GLIS1: variants seen among roughly 807,000 people sequenced by gnomAD.
GLIS1 encodes GLIS family zinc finger 1, also known as zinc finger protein GLIS1.
Under a neutral mutation model 63.8 loss-of-function variants are expected in GLIS1, and 24 were observed. That is an observed-to-expected ratio of 0.38 (90% CI 0.27 to 0.53). The LOEUF is 0.53. Ranked by LOEUF, GLIS1 falls within the 20% of genes least tolerant of loss-of-function variation. The pLI is 0.85. For missense variants in GLIS1, 1,036 were observed against 1,074.1 expected (o/e 0.96, Z 0.50); for synonymous variants, 450 against 482.5 (o/e 0.93, Z 0.88).
rs140652786 is a variant in GLIS1, at chr1:53,642,415, C to T, written c.260-42137G>A. 3.0e-4 allele frequency among the ~76,000 whole-genome samples: 45 copies of T among 152,248 alleles called. 1 individual carries two copies. The highest frequency in any genetic ancestry group is 7.0e-4 in the African/African-American group (29 of 41,548). On this transcript the variant is annotated intron_variant, in intron 2 of 10. Coordinates refer to ENST00000628545, the MANE Select transcript of GLIS1 (RefSeq NM_001367484.1). ...GTGCTGTCAGAGTTTCAGGTTGCCA[C>T]GCAACGATAAGGCCTTCCACCTCGG...
chr1:53,595,141 C>T (rs1010268532), intron 3 of GLIS1, among the ~76,000 whole-genome samples, 151 bp from the exon 4 acceptor site: 2 of 151,856 alleles, frequency 1.3e-5, no homozygotes, highest in Non-Finnish European at 2.9e-5. Context: ...AGAAAGAGCA[C>T]CTACAGACTG....
At position 53,506,570 on chromosome 1, in the gene GLIS1, C is replaced by T. The variant is rs373792151; in HGVS notation, c.*49G>A. On this transcript the variant is annotated 3_prime_UTR_variant, in exon 11 of 11. Transcript: ENST00000628545. Reference sequence around the variant, plus strand: ...GAGGGTGGGAGCGACAGCAGGTGGGCGAGGTGGCATCTGCAGTGCTGGATG... The same window carrying T: ...GAGGGTGGGAGCGACAGCAGGTGGGTGAGGTGGCATCTGCAGTGCTGGATG... The T allele has an allele frequency of 5.4e-5, 85 of 1,582,424 alleles. No individual in the cohort carries two copies. The highest frequency in any genetic ancestry group is 1.7e-4 in the Middle Eastern group (1 of 5,902).
At chr1:53,531,089 T>C (rs914688404) in intron 4 of GLIS1, among the ~76,000 whole-genome samples, 7 of 152,226 alleles carry the variant, frequency 4.6e-5, no homozygotes, top group Non-Finnish European at 8.8e-5. Context: ...ATGACAGGAC[T>C]CAGGCCAAGT....
chr1:53,600,904 C>T (rs995924747), intron 2 of GLIS1, among the ~76,000 whole-genome samples: 2 of 152,228 alleles, frequency 1.3e-5, no homozygotes, highest in African/African-American at 4.8e-5. Flanking sequence ...CCCTGCCTCG[C>T]CCTGCTAGTG....
chr1:53,735,906 G>A (rs993295810), intron 2 of GLIS1, among the ~76,000 whole-genome samples: 4 of 152,124 alleles, frequency 2.6e-5, no homozygotes, highest in African/African-American at 9.7e-5. Flanking sequence ...CAACACAGAG[G>A]CCAGCAGGGA....
At chr1:53,603,169 G>A (rs1645335701) in intron 2 of GLIS1, among the ~76,000 whole-genome samples, 1 of 152,160 alleles carries the variant, frequency 6.6e-6, no homozygotes, top group Non-Finnish European at 1.5e-5. Flanking sequence ...CCAGCTTTGG[G>A]AGGGAGGGAA....
At chr1:53,632,221 T>C (rs899829940) in intron 2 of GLIS1, among the ~76,000 whole-genome samples, 1 of 145,680 alleles carries the variant, frequency 6.9e-6, no homozygotes, top group Non-Finnish European at 1.5e-5. Context: ...GAAGGGCGTG[T>C]GACTGAGTGT....
intron 6 of GLIS1, 112 bp downstream of exon 6, chr1:53,524,665 G>A (rs1644445743): frequency 4.1e-6 from 3 of 736,054 alleles, no homozygotes; most frequent in Non-Finnish European, 7.3e-6. Flanking sequence ...ACGAACAGTG[G>A]CATACAGGGC....
At position 53,646,955 on chromosome 1, in the gene GLIS1, G is replaced by GGGAAGGAAAGGAAGGAAA. The variant is rs754721250; in HGVS notation, c.260-46695_260-46678dup. Among the ~76,000 whole-genome samples the GGGAAGGAAAGGAAGGAAA allele has an allele frequency of 1.9e-5, 2 of 106,864 alleles. No individual in the cohort carries two copies. Among genetic ancestry groups the GGGAAGGAAAGGAAGGAAA allele is most frequent in the Non-Finnish European group, 3.8e-5 (2 of 52,254 alleles). The allele number at this position is 106,864 out of a possible 152,430, so 70.1% of individuals were successfully genotyped here. On this transcript the variant is annotated intron_variant, in intron 2 of 10. Transcript: ENST00000628545. The surrounding 1 kb of genome is among the most constrained non-coding windows in gnomAD (Gnocchi z 4.2). ...AAAGAAGGAAGGAAAGGGAAGGGAAGGGAAGGAAAGGAAGGAAAGGAAGGA... is the reference window on the plus strand; with the variant it reads ...AAAGAAGGAAGGAAAGGGAAGGGAAGGGAAGGAAAGGAAGGAAAGGAAGGAAAGGAAGGAAAGGAAGGA...
At chr1:53,596,305 A>C (rs3013754) in intron 3 of GLIS1, among the ~76,000 whole-genome samples, 61,235 of 152,094 alleles carry the variant, frequency 0.4, 13,352 homozygotes, top group East Asian at 0.56. Context: ...AGAGAGACGG[A>C]AGGGCCTACC....
At chr1:53,729,849 T>C (rs1038836692) in intron 2 of GLIS1, among the ~76,000 whole-genome samples, 1 of 152,170 alleles carries the variant, frequency 6.6e-6, no homozygotes, top group Non-Finnish European at 1.5e-5. Flanking sequence ...GTCTCCAAAT[T>C]AGAAACCCTA....
At chr1:53,629,487 T>C (rs138884253) in intron 2 of GLIS1, among the ~76,000 whole-genome samples, 1 of 152,326 alleles carries the variant, frequency 6.6e-6, no homozygotes, top group African/African-American at 2.4e-5. Flanking sequence ...CAGCATGAGA[T>C]GGGCTTCGAG....
In GLIS1 at chr1:53,552,745, C is replaced by T. The variant is rs150290826; in HGVS notation, c.1321-22793G>A. ...GGGCCAGAGGAGGATCCAGCTGGAC[C>T]ACGGGCTGGCAGCCCCACATGAGAC... On this transcript the variant is annotated intron_variant, in intron 4 of 10. Coordinates refer to ENST00000628545, the MANE Select transcript of GLIS1 (RefSeq NM_001367484.1). Among the ~76,000 whole-genome samples, 135 of 152,340 alleles carry T rather than the reference C, an allele frequency of 8.9e-4. 1 individual carries two copies. In the East Asian group the frequency reaches 0.019, roughly 21 times the overall value.
chr1:53,699,204 A>C (rs1646498523), intron 2 of GLIS1, among the ~76,000 whole-genome samples: 1 of 152,022 alleles, frequency 6.6e-6, no homozygotes, highest in Non-Finnish European at 1.5e-5. Flanking sequence ...AGCTGGGACT[A>C]CAGGCACGCA....
intron 2 of GLIS1, among the ~76,000 whole-genome samples, chr1:53,695,918 A>G (rs1284572576): frequency 6.6e-6 from 1 of 152,244 alleles, no homozygotes; most frequent in Non-Finnish European, 1.5e-5. Context: ...TGCCTGACCC[A>G]GGGGCCAGGG....
intron 2 of GLIS1, among the ~76,000 whole-genome samples, chr1:53,657,930 C>A (rs1388225318): frequency 6.6e-6 from 1 of 152,172 alleles, no homozygotes; most frequent in Non-Finnish European, 1.5e-5. Context: ...CAGCCTCATC[C>A]TCTCAGCCTG....
At chr1:53,625,553 C>T (rs980972592) in intron 2 of GLIS1, among the ~76,000 whole-genome samples, 6 of 152,218 alleles carry the variant, frequency 3.9e-5, no homozygotes, top group African/African-American at 1.4e-4. Flanking sequence ...ATTGATTGCA[C>T]ATCTCCTGTT....
Position 53,542,852 on chromosome 1 carries a change from AG to A in GLIS1, c.1321-12901del, listed in dbSNP as rs773908648. Among the ~76,000 whole-genome samples the A allele has an allele frequency of 2.0e-5, 3 of 152,196 alleles. No homozygotes were observed. The South Asian group carries it at 6.2e-4, about 31-fold the overall frequency. Reference sequence around the variant, plus strand: ...ATCCAGGCAGGACTCTGGCTGTCTCAGGGAGGTCCCCTCCCCGCACTATGGA... The same window carrying A: ...ATCCAGGCAGGACTCTGGCTGTCTCAGGAGGTCCCCTCCCCGCACTATGGA... On this transcript the variant is annotated intron_variant, in intron 4 of 10. Transcript: ENST00000628545.
chr1:53,543,602 A>T (rs1383137660), intron 4 of GLIS1, among the ~76,000 whole-genome samples: 1 of 152,210 alleles, frequency 6.6e-6, no homozygotes, highest in African/African-American at 2.4e-5. Context: ...GGAAGAAATG[A>T]CTACAAACAA....
Sources: allele counts gnomAD v4.1 joint callset (sites outside exome capture counted in the v4.1 genomes callset), GRCh38; gene constraint gnomAD v4.1.1; non-coding constraint Gnocchi (gnomAD v3.1); transcripts MANE v1.5; gene names NCBI Gene and HGNC (gene_info 2026-07-23, HGNC 2026-07-21).